Variants in PTPN3 observed in about 807,000 individuals in gnomAD.
PTPN3 encodes protein tyrosine phosphatase non-receptor type 3, also known as tyrosine-protein phosphatase non-receptor type 3.
A neutral mutation model predicts 132.7 loss-of-function variants in PTPN3; 96 were observed. That is an observed-to-expected ratio of 0.72 (90% CI 0.61 to 0.86). PTPN3 has a LOEUF of 0.86. Ranked by LOEUF, PTPN3 falls within the 40% of genes least tolerant of loss-of-function variation. The pLI is 0.00. For synonymous variants in PTPN3, 398 were observed against 429.0 expected (o/e 0.93, Z 0.89); for missense variants, 1,125 against 1,159.6 (o/e 0.97, Z 0.43).
chr9:109,430,772 C>T (rs368953368), intron 10 of PTPN3, among the ~76,000 whole-genome samples: 1 of 152,212 alleles, frequency 6.6e-6, no homozygotes, highest in African/African-American at 2.4e-5. Context: ...CTATAGGCTC[C>T]TATGGCCCGT....
intron 1 of PTPN3, among the ~76,000 whole-genome samples, chr9:109,497,409 A>C (rs1847717539): frequency 6.6e-6 from 1 of 152,172 alleles, no homozygotes; most frequent in African/African-American, 2.4e-5. Context: ...TGAGGACCAG[A>C]GAGGTTAAAC....
chr9:109,462,046 C>CA (rs1244503723), intron 2 of PTPN3, among the ~76,000 whole-genome samples: 1 of 152,168 alleles, frequency 6.6e-6, no homozygotes, highest in African/African-American at 2.4e-5. Context: ...TTCCCACCTA[C>CA]AAAAAAATGA....
intron 8 of PTPN3, 93 bp from the exon 9 acceptor site, chr9:109,437,063 T>G: frequency 1.3e-6 from 2 of 1,551,564 alleles, no homozygotes; most frequent in Non-Finnish European, 1.7e-6. Context: ...ATACCATTTC[T>G]GTAAGGTTAT....
At position 109,457,207 on chromosome 9, in the gene PTPN3, C is replaced by T. The variant is rs962508860; in HGVS notation, c.255G>A (p.Leu85=). The T allele has an allele frequency of 2.5e-6, 4 of 1,613,860 alleles. No individual in the cohort carries two copies. The African/African-American group carries it at 5.3e-5, about 22-fold the overall frequency. ...GCTTCCTGATGGCTTTGCTTGCTTCCAGCCATCTCTGTTGGACAAGAAAAC... is the reference window on the plus strand; with the variant it reads ...GCTTCCTGATGGCTTTGCTTGCTTCTAGCCATCTCTGTTGGACAAGAAAAC... ...DDDSVDSPRW[L]EASKAIRKQL... is the part of the protein sequence containing the mutation. The change falls in exon 4 of 26, where the codon CTG becomes CTA. Residue 85 remains leucine (L), a synonymous_variant. Transcript: ENST00000374541.
intron 18 of PTPN3, among the ~76,000 whole-genome samples, chr9:109,405,316 G>A (rs1354293276): frequency 6.6e-6 from 1 of 152,190 alleles, no homozygotes; most frequent in African/African-American, 2.4e-5. Context: ...TGGTGGCTCT[G>A]GACTGAGAGT....
At chr9:109,451,404 T>G (rs1158211333) in intron 5 of PTPN3, 2 of 953,752 alleles carry the variant, frequency 2.1e-6, no homozygotes, top group Non-Finnish European at 2.5e-6. Context: ...AAGGTGGGGG[T>G]GGGGTGTCAG....
intron 14 of PTPN3, among the ~76,000 whole-genome samples, chr9:109,419,920 T>A (rs1056166100): frequency 6.6e-6 from 1 of 152,152 alleles, no homozygotes; most frequent in African/African-American, 2.4e-5. Flanking sequence ...CAAAGAAAAT[T>A]AGAGATGTTC....
At chr9:109,484,163 G>A (rs1320644362) in intron 1 of PTPN3, among the ~76,000 whole-genome samples, 2 of 152,062 alleles carry the variant, frequency 1.3e-5, no homozygotes, top group African/African-American at 2.4e-5. Flanking sequence ...CCTGGGTGGC[G>A]CACACCAACC....
chr9:109,412,293 C>T (rs1200364304), intron 14 of PTPN3, among the ~76,000 whole-genome samples: 3 of 151,996 alleles, frequency 2.0e-5, no homozygotes, highest in African/African-American at 4.8e-5. Context: ...ACTGCAGCCT[C>T]GATTTCCTGA....
intron 1 of PTPN3, among the ~76,000 whole-genome samples, chr9:109,480,120 T>C (rs957285327): frequency 3.9e-5 from 6 of 152,214 alleles, no homozygotes; most frequent in Admixed American, 6.5e-5. Flanking sequence ...AATTTGTGCA[T>C]CTTTAGAGAA....
chr9:109,453,161 A>T (rs1845365383), intron 5 of PTPN3, among the ~76,000 whole-genome samples: 1 of 152,218 alleles, frequency 6.6e-6, no homozygotes, highest in Non-Finnish European at 1.5e-5. Context: ...TAGAGGGAGG[A>T]GGTGCACAAA....
intron 16 of PTPN3, among the ~76,000 whole-genome samples, chr9:109,408,794 AAAATAT>A (rs1352625236): frequency 0.019 from 1,630 of 87,366 alleles, 33 homozygotes; most frequent in Non-Finnish European, 0.019. Context: ...AAAAAAAAAA[AAAATAT>A]ATATATATAT....
intron 7 of PTPN3, among the ~76,000 whole-genome samples, chr9:109,438,659 G>T (rs1302303481): frequency 3.3e-5 from 5 of 152,154 alleles, no homozygotes; most frequent in Admixed American, 2.0e-4. Flanking sequence ...ATACCCCAAG[G>T]TTACCATAAC....
At chr9:109,449,001 A>G in intron 5 of PTPN3, 146 bp from the exon 6 acceptor site, 1 of 1,441,996 alleles carries the variant, frequency 6.9e-7, no homozygotes, top group Non-Finnish European at 9.1e-7. Flanking sequence ...ATCAGGTGCT[A>G]CCTTACGCTC....
chr9:109,422,967 C>T (rs1842987210), intron 12 of PTPN3, 115 bp from the exon 13 acceptor site: 2 of 1,336,892 alleles, frequency 1.5e-6, no homozygotes, highest in Non-Finnish European at 2.1e-6. Flanking sequence ...AGGTTAATGC[C>T]AAGGTTATGG....
At chr9:109,442,208 T>C (rs908819054) in intron 7 of PTPN3, among the ~76,000 whole-genome samples, 5 of 152,128 alleles carry the variant, frequency 3.3e-5, no homozygotes, top group African/African-American at 1.2e-4. Context: ...CCACCACACC[T>C]GGCTAATTTT....
At chr9:109,480,201 T>C (rs1846894012) in intron 1 of PTPN3, among the ~76,000 whole-genome samples, 1 of 152,178 alleles carries the variant, frequency 6.6e-6, no homozygotes, top group Non-Finnish European at 1.5e-5. Context: ...ACTTTCAGGG[T>C]CTCGCTCTGT....
At chr9:109,491,323 T>C (rs1847452978) in intron 1 of PTPN3, among the ~76,000 whole-genome samples, 2 of 152,156 alleles carry the variant, frequency 1.3e-5, no homozygotes, top group South Asian at 2.1e-4. Flanking sequence ...TTAGGAAATA[T>C]ATGTAGGGGG....
At position 109,417,700 on chromosome 9, in the gene PTPN3, G is replaced by A. The variant is rs1842628187; in HGVS notation, c.1313+2724C>T. Reference sequence around the variant, plus strand: ...GGTCTCCCACCTAACAGAGGTGGTGGGGGCTGCTTTTCTGGCTGTTCATCC... The same window carrying A: ...GGTCTCCCACCTAACAGAGGTGGTGAGGGCTGCTTTTCTGGCTGTTCATCC... On this transcript the variant is annotated intron_variant, in intron 14 of 25. Transcript: ENST00000374541. 4 of 985,302 alleles carry A rather than the reference G, an allele frequency of 4.1e-6. No individual in the cohort carries two copies. The South Asian group carries it at 1.9e-4, about 46-fold the overall frequency. The allele number at this position is 985,302 out of a possible 1,614,324, so 61.0% of individuals were successfully genotyped here. A position where few individuals can be genotyped will look rare whatever the true frequency, so the allele number is the denominator to read the frequency against.
Sources: gnomAD v4.1 joint callset for allele counts (sites outside exome capture counted in the v4.1 genomes callset) on GRCh38, gnomAD v4.1.1 for gene constraint, MANE v1.5 for transcripts, NCBI Gene and HGNC (gene_info 2026-07-23, HGNC 2026-07-21) for gene names.